The following SHTN1 variants were observed in gnomAD, a reference collection of about 807,000 sequenced individuals.
The protein encoded by SHTN1 is shootin-1.
In SHTN1, 42 loss-of-function variants were observed where a neutral mutation model predicts 83.1. That is an observed-to-expected ratio of 0.51 (90% confidence interval 0.39 to 0.65). The LOEUF (loss-of-function observed/expected upper bound fraction) is 0.65. Among genes scored for constraint, SHTN1 ranks in the 30% least tolerant of loss-of-function variants. SHTN1 has a pLI of 0.00. For missense variants in SHTN1, 622 were observed against 737.8 expected, an observed-to-expected ratio of 0.84 and a Z score of 1.82; for synonymous variants, 224 against 247.7, an observed-to-expected ratio of 0.90 and a Z score of 0.90.
chr10:116,957,073 G>C (rs1357307164), intron 4 of SHTN1, among the ~76,000 whole-genome samples: 1 of 151,798 alleles, frequency 6.6e-6, no homozygotes, highest in Non-Finnish European at 1.5e-5. Context: ...ACAGGAGTGA[G>C]CCACCACACC....
chr10:117,005,237 G>A (rs554073418), upstream of SHTN1: 6 of 1,490,054 alleles, frequency 4.0e-6, no homozygotes, highest in South Asian at 5.3e-5. Context: ...GAGCGCGCGA[G>A]TGAGATCATC....
At chr10:116,957,753 T>C (rs530777250) in intron 4 of SHTN1, among the ~76,000 whole-genome samples, 1 of 152,098 alleles carries the variant, frequency 6.6e-6, no homozygotes, top group African/African-American at 2.4e-5. Flanking sequence ...AAAGTATCCA[T>C]ACTTGCTTCT....
intron 1 of SHTN1, among the ~76,000 whole-genome samples, chr10:116,980,516 A>G (rs540634464): frequency 5.9e-5 from 9 of 151,374 alleles, no homozygotes; most frequent in South Asian, 2.1e-4. Flanking sequence ...CCTGGTCACA[A>G]TTTGAACTTT....
chr10:117,040,789 T>TA (rs1020505052), intron 2 of SHTN1, among the ~76,000 whole-genome samples: 19 of 152,284 alleles, frequency 1.2e-4, no homozygotes, highest in African/African-American at 3.8e-4. Context: ...TAACAATGTT[T>TA]AAAAAAATTT....
intron 1 of SHTN1, among the ~76,000 whole-genome samples, chr10:117,097,010 C>T (rs562891680): frequency 6.9e-6 from 1 of 145,252 alleles, no homozygotes; most frequent in African/African-American, 2.5e-5. Flanking sequence ...CGCGCACGCG[C>T]GCGCACACAC....
intron 9 of SHTN1, 71 bp downstream of exon 9, chr10:116,940,395 T>C (rs536881064): frequency 7.5e-6 from 11 of 1,457,870 alleles, no homozygotes; most frequent in African/African-American, 7.0e-5. Flanking sequence ...ACTGGCTCCC[T>C]TCATCTTAAA....
At chr10:117,085,590 T>C (rs1177754380) in intron 1 of SHTN1, among the ~76,000 whole-genome samples, 1 of 152,248 alleles carries the variant, frequency 6.6e-6, no homozygotes, top group Admixed American at 6.5e-5. Flanking sequence ...AAGATGCATA[T>C]TCTTCTGTCG....
intron 16 of SHTN1, chr10:116,901,157 C>CA (rs1564866137): frequency 4.1e-6 from 4 of 985,314 alleles, no homozygotes; most frequent in African/African-American, 1.7e-5. Flanking sequence ...AGACTAATTT[C>CA]AAAAAAGAGC....
At chr10:117,115,797 C>T (rs917861691) in intron 1 of SHTN1, among the ~76,000 whole-genome samples, 1 of 152,124 alleles carries the variant, frequency 6.6e-6, no homozygotes, top group Non-Finnish European at 1.5e-5. Context: ...TTGCTATATG[C>T]CAAGCACTGA....
intron 1 of SHTN1, among the ~76,000 whole-genome samples, chr10:116,987,116 T>C (rs1300811974): frequency 6.6e-6 from 1 of 152,116 alleles, no homozygotes; most frequent in Non-Finnish European, 1.5e-5. Context: ...CAAGAGAAAC[T>C]ATCTTACCAG....
At chr10:116,903,227 A>G (rs1847817732) in intron 15 of SHTN1, among the ~76,000 whole-genome samples, 1 of 152,192 alleles carries the variant, frequency 6.6e-6, no homozygotes, top group African/African-American at 2.4e-5. Flanking sequence ...ATTATTGGAT[A>G]TTTTGATCTA....
chr10:116,969,377 G>C (rs1291184231), intron 2 of SHTN1, among the ~76,000 whole-genome samples: 1 of 151,878 alleles, frequency 6.6e-6, no homozygotes, highest in Non-Finnish European at 1.5e-5. Flanking sequence ...GGAGGTGGAA[G>C]TTGCACTGAG....
At chr10:117,007,652 T>C (rs1852043300), upstream of SHTN1, among the ~76,000 whole-genome samples, 4 of 151,626 alleles carry the variant, frequency 2.6e-5, no homozygotes, top group Admixed American at 2.0e-4. Flanking sequence ...AGAGTCCTTA[T>C]TGGGATTCAG....
At position 116,911,780 on chromosome 10, in the gene SHTN1, C is replaced by A. The variant is rs534050471; in HGVS notation, c.1359+10G>T. On this transcript the variant is annotated intron_variant, in intron 14 of 16. Coordinates refer to ENST00000355371, the MANE Select transcript of SHTN1 (RefSeq NM_001127211.3). ...CATTAGCTAAACAATAAACTGAAAT[C>A]TATTCTTACCAGTATTCCTTTTAGT... 6.2e-7 allele frequency: 1 copy of A among 1,606,352 alleles called. No individual in the cohort carries two copies. Among genetic ancestry groups the A allele is most frequent in the African/African-American group, 1.3e-5 (1 of 74,848 alleles).
intron 1 of SHTN1, among the ~76,000 whole-genome samples, chr10:116,995,080 GCATT>G (rs1225347873): frequency 3.3e-5 from 5 of 152,082 alleles, no homozygotes; most frequent in African/African-American, 1.2e-4. Flanking sequence ...CTTGTCAACT[GCATT>G]ATTATCATAA....
chr10:117,009,504 G>A (rs548740079), upstream of SHTN1, among the ~76,000 whole-genome samples: 3 of 152,186 alleles, frequency 2.0e-5, no homozygotes, highest in Non-Finnish European at 2.9e-5. Context: ...AGTTGGGGTG[G>A]TTATATTAAT....
chr10:116,972,946 C>T (rs750280236), intron 2 of SHTN1, among the ~76,000 whole-genome samples: 2 of 152,190 alleles, frequency 1.3e-5, no homozygotes, highest in Non-Finnish European at 2.9e-5. Flanking sequence ...ATATCTCTTC[C>T]TTGAGCCTCA....
intron 8 of SHTN1, among the ~76,000 whole-genome samples, chr10:116,944,014 G>A (rs1212237269): frequency 6.6e-6 from 1 of 152,138 alleles, no homozygotes; most frequent in Non-Finnish European, 1.5e-5. Context: ...AACATAAGAG[G>A]AAGATCAGTA....
At chr10:116,956,238 C>T (rs967704304) in intron 4 of SHTN1, among the ~76,000 whole-genome samples, 3 of 152,188 alleles carry the variant, frequency 2.0e-5, no homozygotes, top group African/African-American at 7.2e-5. Flanking sequence ...TGAAGCCCAG[C>T]ATAGCCCTTT....
Sources: gnomAD v4.1 joint callset for allele counts (sites outside exome capture counted in the v4.1 genomes callset) on GRCh38, gnomAD v4.1.1 for gene constraint, MANE v1.5 for transcripts, NCBI Gene and HGNC (gene_info 2026-07-23, HGNC 2026-07-21) for gene names.